Variants in PCP4L1 observed in about 807,000 individuals in gnomAD.
PCP4L1 encodes Purkinje cell protein 4 like 1.
Under a neutral mutation model 9.6 loss-of-function variants are expected in PCP4L1, and 9 were observed. The observed-to-expected ratio is 0.94, with a 90% confidence interval of 0.57 to 1.64. The LOEUF is 1.64. Among genes scored for constraint, PCP4L1 ranks in the 40% most tolerant of loss-of-function variants. PCP4L1 has a pLI of 0.00. For missense variants in PCP4L1, 81 were observed against 80.8 expected, an observed-to-expected ratio of 1.00 and a Z score of -0.01; for synonymous variants, 31 against 28.2, an observed-to-expected ratio of 1.10 and a Z score of -0.31.
At chr1:161,262,814 A>G (rs2102230611) in intron 1 of PCP4L1, among the ~76,000 whole-genome samples, 1 of 152,346 alleles carries the variant, frequency 6.6e-6, no homozygotes, top group South Asian at 2.1e-4. Flanking sequence ...GGATGAAGAA[A>G]GATGAATAAT....
At chr1:161,263,750 T>A (rs1369452922) in intron 1 of PCP4L1, among the ~76,000 whole-genome samples, 1 of 151,216 alleles carries the variant, frequency 6.6e-6, no homozygotes, top group Admixed American at 6.6e-5. Flanking sequence ...CCTGCTTAAT[T>A]TTTTTTGTAT....
intron 1 of PCP4L1, among the ~76,000 whole-genome samples, chr1:161,263,994 C>T (rs758344253): frequency 3.5e-5 from 5 of 144,394 alleles, no homozygotes; most frequent in Non-Finnish European, 6.0e-5. Flanking sequence ...ACTGCAATCT[C>T]TGCCTCCTGG....
chr1:161,259,132 C>A (rs1378474556), intron 1 of PCP4L1, 149 bp downstream of exon 1: 8 of 1,218,750 alleles, frequency 6.6e-6, no homozygotes, highest in Non-Finnish European at 8.8e-6. Context: ...AGGAAAGCTC[C>A]CACCTCGGGG....
intron 1 of PCP4L1, among the ~76,000 whole-genome samples, chr1:161,272,859 A>T (rs1669645390): frequency 6.6e-6 from 1 of 152,128 alleles, no homozygotes; most frequent in Non-Finnish European, 1.5e-5. Context: ...ACAAGACATC[A>T]TCTGACAAAT....
rs1220224973 is a variant in PCP4L1 at position 161,285,225 on chromosome 1, G to A, written c.*744G>A. The A allele has an allele frequency of 6.6e-6, 1 of 152,338 alleles. No individual in the cohort carries two copies. The highest frequency in any genetic ancestry group is 1.5e-5 in the Non-Finnish European group (1 of 68,124). The allele number at this position is 152,338 out of a possible 1,614,324, so 9.4% of individuals were successfully genotyped here. On this transcript the variant is annotated 3_prime_UTR_variant, in exon 3 of 3. Coordinates refer to ENST00000504449, the MANE Select transcript of PCP4L1 (RefSeq NM_001102566.2). ...AATCTCTGAATTTTTTTACTGCTGG[G>A]AAAAGTGTACTACATGAAGGATGCT...
At chr1:161,278,710 A>G (rs1669744703) in intron 1 of PCP4L1, among the ~76,000 whole-genome samples, 1 of 152,128 alleles carries the variant, frequency 6.6e-6, no homozygotes, top group African/African-American at 2.4e-5. Context: ...AAAGACACAT[A>G]TTCTGGCTAT....
Position 161,282,401 on chromosome 1 carries a change from G to GGGGAGA in PCP4L1, c.10-1255_10-1250dup, listed in dbSNP as rs1215788549. On this transcript the variant is annotated intron_variant, in intron 1 of 2. Transcript: ENST00000504449. ...GGAAAGAGAGGGAGAGGGAGACCGTGGGGAGAGGGAGAGGGAGGGGGAGGG... is the reference window on the plus strand; with the variant it reads ...GGAAAGAGAGGGAGAGGGAGACCGTGGGGAGAGGGAGAGGGAGAGGGAGGGGGAGGG... 3.1e-3 allele frequency among the ~76,000 whole-genome samples: 466 copies of GGGGAGA among 149,246 alleles called. 2 individuals carry two copies. Among genetic ancestry groups the GGGGAGA allele is most frequent in the African/African-American group, 0.011 (433 of 40,380 alleles).
intron 1 of PCP4L1, among the ~76,000 whole-genome samples, chr1:161,282,998 T>C (rs1669848850): frequency 6.6e-6 from 1 of 152,186 alleles, no homozygotes; most frequent in African/African-American, 2.4e-5. Flanking sequence ...ATCAGAGGTC[T>C]CCAGCAACTC....
At chr1:161,279,857 A>G (rs1156357962) in intron 1 of PCP4L1, among the ~76,000 whole-genome samples, 8 of 152,150 alleles carry the variant, frequency 5.3e-5, no homozygotes, top group African/African-American at 1.9e-4. Context: ...TTAAAGAGCT[A>G]GGATCTTGCT....
At chr1:161,263,076 T>G (rs2102230737) in intron 1 of PCP4L1, among the ~76,000 whole-genome samples, 1 of 152,324 alleles carries the variant, frequency 6.6e-6, no homozygotes, top group South Asian at 2.1e-4. Flanking sequence ...TATTCTCATT[T>G]TACAGGTGAG....
chr1:161,267,312 A>G (rs896543627), intron 1 of PCP4L1, among the ~76,000 whole-genome samples: 1 of 152,216 alleles, frequency 6.6e-6, no homozygotes, highest in Non-Finnish European at 1.5e-5. Context: ...CACCCAAGCT[A>G]TGTCATGCAA....
rs1305059629 is a variant in PCP4L1 at position 161,285,344 on chromosome 1, C to A, written c.*863C>A. On this transcript the variant is annotated 3_prime_UTR_variant, in exon 3 of 3. Transcript: ENST00000504449. ...AGTGACTCCTGTAGTTCCCATTTGCCCCACTATGGAGTCAGGGCAAAAGTG... is the reference window on the plus strand; with the variant it reads ...AGTGACTCCTGTAGTTCCCATTTGCACCACTATGGAGTCAGGGCAAAAGTG... 6.6e-6 allele frequency: 1 copy of A among 152,370 alleles called. No individual in the cohort carries two copies. The highest frequency in any genetic ancestry group is 1.5e-5 in the Non-Finnish European group (1 of 68,040). 9.4% of individuals were successfully genotyped at this position (152,370 alleles called of 1,614,324 possible). A position where few individuals can be genotyped will look rare whatever the true frequency, so the allele number is the denominator to read the frequency against.
chr1:161,269,884 A>G (rs1245171193), intron 1 of PCP4L1, among the ~76,000 whole-genome samples: 4 of 152,108 alleles, frequency 2.6e-5, no homozygotes, highest in African/African-American at 9.7e-5. Context: ...CTGTGGTCCC[A>G]GCTACTCAGG....
At chr1:161,263,643 A>T (rs958801612) in intron 1 of PCP4L1, among the ~76,000 whole-genome samples, 1 of 149,562 alleles carries the variant, frequency 6.7e-6, no homozygotes, top group Non-Finnish European at 1.5e-5. Flanking sequence ...GTACAGTGGC[A>T]TGATCATGGC....
chr1:161,284,222 T>C lies in PCP4L1; in HGVS notation c.65-117T>C, dbSNP rs915220117. On this transcript the variant is annotated intron_variant, in intron 2 of 2. Transcript: ENST00000504449. ...AGGCATTCATAATCCTAGCAAAAAT[T>C]TGGGGACCCCACAGAGTCTGGCACA... 37 of 1,375,348 alleles carry C rather than the reference T, an allele frequency of 2.7e-5. No individual in the cohort carries two copies. In the South Asian group the frequency reaches 5.0e-4, roughly 18 times the overall value. 85.2% of individuals were successfully genotyped at this position (1,375,348 alleles called of 1,614,324 possible).
intron 1 of PCP4L1, 119 bp downstream of exon 1, chr1:161,259,102 G>A: frequency 4.3e-6 from 6 of 1,392,982 alleles, no homozygotes; most frequent in Non-Finnish European, 5.7e-6. Context: ...AACCCTCCAG[G>A]GGCGCCCCAC....
chr1:161,282,790 AC>A (rs1347743045), intron 1 of PCP4L1, among the ~76,000 whole-genome samples: 1 of 151,888 alleles, frequency 6.6e-6, no homozygotes, highest in Non-Finnish European at 1.5e-5. Context: ...ATCATCCTTG[AC>A]CCCTCTCTTT....
chr1:161,284,335 G>T lies in PCP4L1; in HGVS notation c.65-4G>T. On this transcript the variant is annotated splice_polypyrimidine_tract_variant and splice_region_variant and intron_variant, in intron 2 of 2. Coordinates refer to ENST00000504449, the MANE Select transcript of PCP4L1 (RefSeq NM_001102566.2). ...TCATTAATGAGTCTCCCAACTATCTGCAGGAAAAGCTGGCAATGTCAAGAA... is the reference window on the plus strand; with the variant it reads ...TCATTAATGAGTCTCCCAACTATCTTCAGGAAAAGCTGGCAATGTCAAGAA... 3 of 1,614,026 alleles carry T rather than the reference G, an allele frequency of 1.9e-6. No individual in the cohort carries two copies. Among genetic ancestry groups the T allele is most frequent in the Non-Finnish European group, 2.5e-6 (3 of 1,179,896 alleles).
At chr1:161,276,656 G>A (rs1449314798) in intron 1 of PCP4L1, among the ~76,000 whole-genome samples, 2 of 148,878 alleles carry the variant, frequency 1.3e-5, no homozygotes, top group African/African-American at 5.0e-5. Flanking sequence ...ACTCCAGCCT[G>A]GGTGACAAAG....
Sources: allele counts gnomAD v4.1 joint callset (sites outside exome capture counted in the v4.1 genomes callset), GRCh38; gene constraint gnomAD v4.1.1; transcripts MANE v1.5; gene names NCBI Gene and HGNC (gene_info 2026-07-23, HGNC 2026-07-21).